GRB14: variants seen among roughly 807,000 people sequenced by gnomAD.
GRB14 encodes the protein growth factor receptor-bound protein 14.
In GRB14, 38 loss-of-function variants were observed where a neutral mutation model predicts 69.1. The ratio of observed to expected loss-of-function variants is 0.55; its 90% CI spans 0.42 to 0.72. GRB14 has a LOEUF of 0.72. Among genes scored for constraint, GRB14 ranks in the 30% least tolerant of loss-of-function variants. The probability of loss-of-function intolerance (pLI) is 0.00; values close to 1 mark genes in which losing one functional copy is unlikely to be tolerated. For synonymous variants in GRB14, 247 were observed against 241.3 expected (o/e 1.02, Z -0.22); for missense variants, 666 against 666.1 (o/e 1.00, Z 0.00).
rs1374611315 is a variant in GRB14, at chr2:164,616,445, A to AG, written c.324+3241_324+3242insC. 4.0e-5 allele frequency among the ~76,000 whole-genome samples: 6 copies of AG among 151,582 alleles called. No homozygotes were observed. In the East Asian group the frequency reaches 9.7e-4, roughly 24 times the overall value. On this transcript the variant is annotated intron_variant, in intron 2 of 13. Transcript: ENST00000263915. The stretch of plus-strand genomic sequence containing the variant: ...CGTCTCAAAAAAAAAAAAAAAAAAA[A>AG]AAAAAGAATATGGATTCTCTCTCAC...
chr2:164,567,910 A>G (rs892313567), intron 2 of GRB14, among the ~76,000 whole-genome samples: 2 of 152,180 alleles, frequency 1.3e-5, no homozygotes, highest in African/African-American at 4.8e-5. Context: ...GAAGAGATTG[A>G]TATATTATGA....
chr2:164,532,952 T>C (rs1480162237), intron 3 of GRB14, among the ~76,000 whole-genome samples: 1 of 152,106 alleles, frequency 6.6e-6, no homozygotes, highest in African/African-American at 2.4e-5. Context: ...GAGTGGAGAC[T>C]GTGAGGGAGC....
At chr2:164,560,786 T>C (rs982530322) in intron 2 of GRB14, among the ~76,000 whole-genome samples, 3 of 152,166 alleles carry the variant, frequency 2.0e-5, no homozygotes, top group African/African-American at 7.2e-5. Context: ...AAAGCCTGAA[T>C]GTATACGTTC....
At chr2:164,609,292 C>A (rs1346589961) in intron 2 of GRB14, among the ~76,000 whole-genome samples, 1 of 152,208 alleles carries the variant, frequency 6.6e-6, no homozygotes, top group East Asian at 1.9e-4. Flanking sequence ...CAGCCCAGCA[C>A]CTGTGCCCTA....
At chr2:164,499,250 T>C (rs1259341272) in intron 9 of GRB14, among the ~76,000 whole-genome samples, 2 of 152,100 alleles carry the variant, frequency 1.3e-5, no homozygotes, top group African/African-American at 2.4e-5. Context: ...CCCTCTAGTA[T>C]AGCAGGCCAG....
At chr2:164,510,100 T>C (rs1338359048) in intron 6 of GRB14, among the ~76,000 whole-genome samples, 1 of 152,196 alleles carries the variant, frequency 6.6e-6, no homozygotes, top group Admixed American at 6.5e-5. Flanking sequence ...GCCCTGGCTT[T>C]AAAAATCTTA....
intron 6 of GRB14, among the ~76,000 whole-genome samples, chr2:164,513,992 C>T (rs1687410827): frequency 6.6e-6 from 1 of 152,180 alleles, no homozygotes; most frequent in African/African-American, 2.4e-5. Context: ...GTAGAATACA[C>T]ATTTATGTTT....
intron 3 of GRB14, among the ~76,000 whole-genome samples, chr2:164,541,750 T>C (rs2105304683): frequency 6.6e-6 from 1 of 152,178 alleles, no homozygotes; most frequent in Non-Finnish European, 1.5e-5. Flanking sequence ...TATATGCAAG[T>C]TTTTAACATG....
At chr2:164,532,294 G>T (rs552447107) in intron 3 of GRB14, among the ~76,000 whole-genome samples, 4 of 152,254 alleles carry the variant, frequency 2.6e-5, no homozygotes, top group Admixed American at 6.5e-5. Context: ...CTTAAGCCAG[G>T]TTACTCAGTA....
intron 2 of GRB14, among the ~76,000 whole-genome samples, chr2:164,614,441 T>C (rs1690238087): frequency 1.3e-5 from 2 of 152,196 alleles, no homozygotes; most frequent in African/African-American, 2.4e-5. Context: ...TCATGAGCCA[T>C]TCCAACTGAG....
intron 2 of GRB14, among the ~76,000 whole-genome samples, chr2:164,550,918 C>A (rs1217807614): frequency 6.6e-6 from 1 of 152,168 alleles, no homozygotes; most frequent in African/African-American, 2.4e-5. Context: ...GAGTACCACT[C>A]CCTCCCTCAC....
intron 3 of GRB14, among the ~76,000 whole-genome samples, chr2:164,544,890 T>C (rs1315942273): frequency 6.6e-6 from 1 of 152,226 alleles, no homozygotes; most frequent in Non-Finnish European, 1.5e-5. Flanking sequence ...GGAATGCATG[T>C]AGTGTTCAAA....
intron 2 of GRB14, among the ~76,000 whole-genome samples, chr2:164,557,726 G>T (rs1334057468): frequency 9.2e-5 from 14 of 152,126 alleles, no homozygotes; most frequent in Admixed American, 9.2e-4. Context: ...CATTAAGGTC[G>T]CAAGATGGAT....
intron 2 of GRB14, chr2:164,568,355 A>G: frequency 7.8e-7 from 1 of 1,288,288 alleles, no homozygotes; most frequent in African/African-American, 1.5e-5. Context: ...AGGCAGAGTG[A>G]CTCTTCTTGC....
chr2:164,582,831 C>A lies in GRB14; in HGVS notation c.325-35015G>T, dbSNP rs566254040. On this transcript the variant is annotated intron_variant, in intron 2 of 13. Coordinates refer to ENST00000263915, the MANE Select transcript of GRB14 (RefSeq NM_004490.3). ...GTCATGGAAATAGCTAAGAGGAGAA[C>A]ACAGAAGTTAGTATGGTGGTAGAAA... Among the ~76,000 whole-genome samples the A allele has an allele frequency of 8.6e-4, 131 of 152,316 alleles. 1 individual carries two copies. Among genetic ancestry groups the A allele is most frequent in the African/African-American group, 3.1e-3 (128 of 41,586 alleles).
At chr2:164,581,820 T>C (rs1014962891) in intron 2 of GRB14, among the ~76,000 whole-genome samples, 2 of 152,206 alleles carry the variant, frequency 1.3e-5, no homozygotes, top group Admixed American at 6.5e-5. Flanking sequence ...CAGATTCCTC[T>C]CACTGGCTTT....
intron 4 of GRB14, among the ~76,000 whole-genome samples, chr2:164,525,979 G>T (rs1687760720): frequency 6.6e-6 from 1 of 151,784 alleles, no homozygotes; most frequent in Admixed American, 6.6e-5. Context: ...GTCCAGCCTT[G>T]TTTAAATAAA....
chr2:164,612,721 C>A (rs547419810), intron 2 of GRB14, among the ~76,000 whole-genome samples: 46 of 152,204 alleles, frequency 3.0e-4, no homozygotes, highest in African/African-American at 1.1e-3. Flanking sequence ...TTATATTGAA[C>A]CATGATGACT....
rs1558888515 is a variant in GRB14 at position 164,620,073 on chromosome 2, ACC to A, written c.192-256_192-255del. 30 of 43,866 alleles carry A rather than the reference ACC, an allele frequency of 6.8e-4. 4 individuals are homozygous for A. The highest frequency in any genetic ancestry group is 2.1e-3 in the South Asian group (4 of 1,898). The allele number at this position is 43,866 out of a possible 1,614,324, so 2.7% of individuals were successfully genotyped here. ...CTCTCTCTCTCTCTCCCCTCCCACCACCCCTCCCCCCCCCACCGCCTTCTCTC... is the reference window on the plus strand; with the variant it reads ...CTCTCTCTCTCTCTCCCCTCCCACCACCTCCCCCCCCCACCGCCTTCTCTC... On this transcript the variant is annotated intron_variant, in intron 1 of 13. Transcript: ENST00000263915.
Sources: allele counts gnomAD v4.1 joint callset (sites outside exome capture counted in the v4.1 genomes callset), GRCh38; gene constraint gnomAD v4.1.1; transcripts MANE v1.5; gene names NCBI Gene and HGNC (gene_info 2026-07-23, HGNC 2026-07-21).